The following REPS2 variants were observed in gnomAD, a reference collection of about 807,000 sequenced individuals.
REPS2 encodes the protein RALBP1 associated Eps domain containing 2, also known as ralBP1-associated Eps domain-containing protein 2.
REPS2 carries 23 observed loss-of-function variants against 53.6 expected under a neutral mutation model. That is an observed-to-expected ratio of 0.43 (90% confidence interval 0.31 to 0.61). The LOEUF (loss-of-function observed/expected upper bound fraction) is 0.61. Among genes scored for constraint, REPS2 ranks in the 20% least tolerant of loss-of-function variants. The pLI, the probability that REPS2 is intolerant of heterozygous loss-of-function variation, is 0.11. For synonymous variants in REPS2, 238 were observed against 218.6 expected (o/e 1.09, Z -0.78); for missense variants, 446 against 534.9 (o/e 0.83, Z 1.64).
intron 5 of REPS2, among the ~76,000 whole-genome samples, chrX:17,035,922 C>T (rs899977775): frequency 8.9e-6 from 1 of 111,963 alleles, no homozygotes; most frequent in Admixed American, 9.5e-5. Flanking sequence ...ATGCATTTAG[C>T]ACTAACAATA....
chrX:16,980,536 C>T (rs774512905), intron 1 of REPS2, among the ~76,000 whole-genome samples: 4 of 111,295 alleles, frequency 3.6e-5, no homozygotes, highest in South Asian at 3.7e-4. Flanking sequence ...CTCTTGACCT[C>T]GTGATCCACC....
chrX:17,134,300 A>G (rs1300422679), intron 15 of REPS2, among the ~76,000 whole-genome samples: 1 of 111,549 alleles, frequency 9.0e-6, no homozygotes, highest in Non-Finnish European at 1.9e-5. Context: ...TTCCTCTTGC[A>G]TCGTGGCATT....
chrX:17,093,202 T>TATATATATATGTATATATAA (rs56940345), intron 13 of REPS2, among the ~76,000 whole-genome samples: 6 of 13,155 alleles, frequency 4.6e-4, no homozygotes, highest in Non-Finnish European at 7.3e-4. Context: ...ATATATATAA[T>TATATATATATGTATATATAA]TTTTTTTTTG....
chrX:16,968,497 G>A (rs1322324685), intron 1 of REPS2, among the ~76,000 whole-genome samples: 3 of 103,557 alleles, frequency 2.9e-5, no homozygotes, highest in African/African-American at 3.5e-5. Context: ...CCTCCCGGAC[G>A]GGGCGGCTGG....
At chrX:17,173,486 T>C in the REPS2 span, among the ~76,000 whole-genome samples, 474 of 111,803 alleles carry the variant, frequency 4.2e-3, 1 homozygote, top group African/African-American at 0.014. Context: ...GTATTATATC[T>C]CTATCTCTAT....
At chrX:17,036,697 T>A (rs2061769508) in intron 5 of REPS2, among the ~76,000 whole-genome samples, 1 of 111,644 alleles carries the variant, frequency 9.0e-6, no homozygotes, top group African/African-American at 3.3e-5. Context: ...TAAAAAAAAA[T>A]CCTCTGTTGT....
intron 9 of REPS2, among the ~76,000 whole-genome samples, chrX:17,066,042 A>G (rs1358523363): frequency 1.8e-5 from 2 of 111,774 alleles, no homozygotes; most frequent in Non-Finnish European, 3.8e-5. Context: ...TTTTTTCCCC[A>G]TTGAATTGTC....
the REPS2 span, among the ~76,000 whole-genome samples, chrX:17,168,187 G>A: frequency 1.8e-5 from 2 of 111,069 alleles, no homozygotes; most frequent in Admixed American, 1.9e-4. Flanking sequence ...TAAAAGTGTG[G>A]GGAAGTTACT....
At chrX:17,109,600 A>G (rs2062932408) in intron 14 of REPS2, among the ~76,000 whole-genome samples, 1 of 111,009 alleles carries the variant, frequency 9.0e-6, no homozygotes, top group African/African-American at 3.3e-5. Flanking sequence ...ACTGATGTGA[A>G]CAGGGCTAGA....
the REPS2 span, among the ~76,000 whole-genome samples, chrX:17,162,295 G>A: frequency 8.9e-6 from 1 of 112,548 alleles, no homozygotes; most frequent in African/African-American, 3.2e-5. Flanking sequence ...AAAACAATTG[G>A]CAACAATTGT....
At chrX:17,128,572 C>T (rs992712880) in intron 14 of REPS2, among the ~76,000 whole-genome samples, 14 of 111,987 alleles carry the variant, frequency 1.3e-4, no homozygotes, top group East Asian at 2.8e-4. Context: ...TGGGCCTCCC[C>T]GTACCCATGT....
chrX:17,030,314 GGTGTGTGTGTGTGT>G, intron 5 of REPS2, among the ~76,000 whole-genome samples: 1 of 101,911 alleles, frequency 9.8e-6, no homozygotes, highest in Middle Eastern at 5.0e-3. Context: ...CTCAAAGAAG[GGTGTGTGTGTGTGT>G]GTGTGTGTGT....
chrX:17,182,317 T>A, the REPS2 span, among the ~76,000 whole-genome samples: 1 of 111,396 alleles, frequency 9.0e-6, no homozygotes, highest in African/African-American at 3.3e-5. Context: ...TAGAGAGAGA[T>A]GCCTGCGGAG....
intron 2 of REPS2, among the ~76,000 whole-genome samples, chrX:17,012,767 T>G (rs1228711457): frequency 1.8e-5 from 2 of 111,460 alleles, no homozygotes; most frequent in East Asian, 5.6e-4. Flanking sequence ...TAAGATTGGG[T>G]TTTTTTTGGT....
At chrX:17,138,447 T>C (rs2063402024) in intron 16 of REPS2, 1 of 115,790 alleles carries the variant, frequency 8.6e-6, no homozygotes, top group Non-Finnish European at 1.8e-5. Flanking sequence ...AAAATAATGT[T>C]CTTGTATTAT....
At chrX:17,156,613 A>C (rs974241823), downstream of REPS2, among the ~76,000 whole-genome samples, 2 of 110,989 alleles carry the variant, frequency 1.8e-5, no homozygotes, top group African/African-American at 6.5e-5. Context: ...TACACCCCTT[A>C]TTCTTGTACC....
chrX:16,949,521 C>T (rs1018970223), intron 1 of REPS2, among the ~76,000 whole-genome samples: 2 of 112,297 alleles, frequency 1.8e-5, no homozygotes, highest in African/African-American at 6.5e-5. Context: ...GATTCTTCCG[C>T]CTCAGCCTCC....
chrX:16,958,181 G>A (rs2060619670), intron 1 of REPS2, among the ~76,000 whole-genome samples: 2 of 111,437 alleles, frequency 1.8e-5, no homozygotes, highest in South Asian at 7.5e-4. Flanking sequence ...GTAAAAACGG[G>A]GAGTTTCCTG....
intron 1 of REPS2, among the ~76,000 whole-genome samples, chrX:16,999,063 A>G (rs900494647): frequency 8.9e-6 from 1 of 112,333 alleles, no homozygotes; most frequent in Non-Finnish European, 1.9e-5. Flanking sequence ...AGTATGATGG[A>G]CAGTCACAGA....
Sources: allele counts gnomAD v4.1 joint callset (sites outside exome capture counted in the v4.1 genomes callset), GRCh38; gene constraint gnomAD v4.1.1; transcripts MANE v1.5; gene names NCBI Gene and HGNC (gene_info 2026-07-23, HGNC 2026-07-21).